VPS37B: variants seen among roughly 807,000 people sequenced by gnomAD.
VPS37B encodes VPS37B subunit of ESCRT-I.
VPS37B carries 11 observed loss-of-function variants against 21.2 expected under a neutral mutation model. The observed-to-expected ratio is 0.52, with a 90% CI of 0.33 to 0.86. VPS37B has a LOEUF of 0.86. VPS37B is among the 40% of genes least tolerant of loss of function. The probability of loss-of-function intolerance (pLI) is 0.03; values close to 1 mark genes in which losing one functional copy is unlikely to be tolerated. For missense variants in VPS37B, 389 were observed against 374.8 expected, an observed-to-expected ratio of 1.04 and a Z score of -0.31; for synonymous variants, 175 against 159.6, an observed-to-expected ratio of 1.10 and a Z score of -0.73.
At chr12:122,887,483 C>G (rs1320875787) in intron 1 of VPS37B, 1 of 152,398 alleles carries the variant, frequency 6.6e-6, no homozygotes, top group Non-Finnish European at 1.5e-5. Flanking sequence ...CACACTCTGT[C>G]CCGGCTTCTT....
chr12:122,872,554 C>G, intron 1 of VPS37B: 1 of 985,426 alleles, frequency 1.0e-6, no homozygotes, highest in Non-Finnish European at 1.2e-6. Context: ...CAGTTTCACT[C>G]GGGTTTCTGG....
Position 122,867,456 on chromosome 12 carries a change from A to C in VPS37B, c.518T>G (p.Leu173Arg). 1.2e-6 allele frequency: 2 copies of C among 1,613,742 alleles called. No homozygotes were observed. Among genetic ancestry groups the C allele is most frequent in the African/African-American group, 1.3e-5 (1 of 74,970 alleles). ...VLKGQRLPQA[L>R]APLPPRLPEL... is the part of the protein sequence containing the mutation. Reference sequence around the variant, plus strand: ...GGGCAGCCTGGGGGGCAGCGGGGCCAGGGCCTGTGGGAGTCTCTGCCCCTT... The same window carrying C: ...GGGCAGCCTGGGGGGCAGCGGGGCCCGGGCCTGTGGGAGTCTCTGCCCCTT... The change falls in exon 4 of 4, where the codon CTG (leucine) becomes CGG (arginine). Residue 173 changes from leucine (L) to arginine (R), a missense_variant. Coordinates refer to ENST00000267202, the MANE Select transcript of VPS37B (RefSeq NM_024667.3). This position sits in a 1 kb window ranked among gnomAD's most constrained non-coding sequence, Gnocchi z 5.5.
chr12:122,870,790 G>T, intron 2 of VPS37B, 100 bp downstream of exon 2: 1 of 1,346,770 alleles, frequency 7.4e-7, no homozygotes, highest in Non-Finnish European at 1.0e-6. Context: ...ATCTTAACCT[G>T]AAATTTTTCC....
At chr12:122,893,443 A>G in intron 1 of VPS37B, among the ~76,000 whole-genome samples, 1 of 147,210 alleles carries the variant, frequency 6.8e-6, no homozygotes, top group East Asian at 2.0e-4. Flanking sequence ...GTTCTTTAAC[A>G]CGCCATCACA....
chr12:122,868,209 A>C lies in VPS37B; in HGVS notation c.366+271T>G, dbSNP rs144788430. On this transcript the variant is annotated intron_variant, in intron 3 of 3. Transcript: ENST00000267202. This position sits in a 1 kb window ranked among gnomAD's most constrained non-coding sequence, Gnocchi z 5.5. ...GAACGACGGCACGTGGTAATCCGCC[A>C]CTGGCCCCAGGGGCCGGCGTTCACA... 1.3e-5 allele frequency among the ~76,000 whole-genome samples: 2 copies of C among 152,310 alleles called. No homozygotes were observed. Among genetic ancestry groups the C allele is most frequent in the African/African-American group, 4.8e-5 (2 of 41,572 alleles).
intron 1 of VPS37B, chr12:122,876,388 C>T (rs1219420567): frequency 6.6e-6 from 1 of 152,062 alleles, no homozygotes; most frequent in East Asian, 1.9e-4. Flanking sequence ...TCTTGGGATG[C>T]TTACATTAAT....
rs748858286 is a variant in VPS37B at position 122,867,153 on chromosome 12, C to T, written c.821G>A (p.Arg274Gln). 5.7e-5 allele frequency: 88 copies of T among 1,545,132 alleles called. No individual in the cohort carries two copies. The highest frequency in any genetic ancestry group is 7.5e-5 in the Non-Finnish European group (87 of 1,153,120). Residue 274 changes from arginine (R) to glutamine (Q), a missense_variant, in exon 4 of 4, where the codon CGG becomes CAG. Arg to Gln is a conservative substitution (Grantham distance 43, BLOSUM62 1). Coordinates refer to ENST00000267202, the MANE Select transcript of VPS37B (RefSeq NM_024667.3). The surrounding 1 kb of genome is among the most constrained non-coding windows in gnomAD (Gnocchi z 5.5). ...PPPLPQRPPP[R>Q]LPPHQPGFIL... ...GAAACCCGGCTGGTGTGGAGGGAGC[C>T]GGGGCGGGGGTCTCTGAGGGAGAGG...
At chr12:122,884,069 C>T (rs1484954458) in intron 1 of VPS37B, 1 of 152,230 alleles carries the variant, frequency 6.6e-6, no homozygotes, top group Non-Finnish European at 1.5e-5. Context: ...AGAATCTCAG[C>T]AGTAAAGGCC....
chr12:122,867,237 C>A lies in VPS37B; in HGVS notation c.737G>T (p.Arg246Leu), dbSNP rs770678646. ...PGLQCPPLPP[R>L]VGLPTQQGFS... ...TCCTTGCTGAGTGGGGAGGCCCACG[C>A]GGGGGGGCAGGGGCGGGCACTGTAA... Residue 246 changes from arginine (R) to leucine (L), a missense_variant, in exon 4 of 4, where the codon CGC becomes CTC. Arg to Leu is a moderately radical substitution (Grantham distance 102). Coordinates refer to ENST00000267202, the MANE Select transcript of VPS37B (RefSeq NM_024667.3). This position sits in a 1 kb window ranked among gnomAD's most constrained non-coding sequence, Gnocchi z 5.5. 4.6e-6 allele frequency: 7 copies of A among 1,511,184 alleles called. No homozygotes were observed. Among genetic ancestry groups the A allele is most frequent in the Middle Eastern group, 1.9e-4 (1 of 5,330 alleles). The allele number at this position is 1,511,184 out of a possible 1,614,324, so 93.6% of individuals were successfully genotyped here.
At chr12:122,888,543 A>G (rs574262095) in intron 1 of VPS37B, 2 of 456,042 alleles carry the variant, frequency 4.4e-6, no homozygotes, top group Non-Finnish European at 8.8e-6. Context: ...CCATAGCAAC[A>G]TTCTGCTACA....
chr12:122,895,754 T>C (rs546955835), intron 1 of VPS37B, among the ~76,000 whole-genome samples, 198 bp downstream of exon 1: 10 of 115,418 alleles, frequency 8.7e-5, no homozygotes, highest in African/African-American at 3.1e-4. Flanking sequence ...TCAAACCCCC[T>C]CTCAGGCCCC....
At chr12:122,888,448 C>T (rs1372529336) in intron 1 of VPS37B, 12 of 427,904 alleles carry the variant, frequency 2.8e-5, no homozygotes, top group Admixed American at 1.5e-4. Context: ...CTTGTCTCAG[C>T]ATGTTCTGAG....
chr12:122,891,496 G>A (rs1168804824), intron 1 of VPS37B, among the ~76,000 whole-genome samples: 2 of 152,224 alleles, frequency 1.3e-5, no homozygotes, highest in East Asian at 3.9e-4. Flanking sequence ...CTCACTTAAG[G>A]ATAAAATGAC....
rs374008813 is a variant in VPS37B at position 122,868,434 on chromosome 12, C to T, written c.366+46G>A. The T allele has an allele frequency of 1.7e-4, 263 of 1,578,584 alleles. 1 individual carries two copies. Among genetic ancestry groups the T allele is most frequent in the Admixed American group, 5.2e-5 (3 of 57,362 alleles). On this transcript the variant is annotated intron_variant, in intron 3 of 3. Coordinates refer to ENST00000267202, the MANE Select transcript of VPS37B (RefSeq NM_024667.3). This position sits in a 1 kb window ranked among gnomAD's most constrained non-coding sequence, Gnocchi z 5.5. Reference sequence around the variant, plus strand: ...TCCCTGGAGGCAGCGGGCCCACGGACTGCCCAAAGCGCCCCAAGGATTCCA... The same window carrying T: ...TCCCTGGAGGCAGCGGGCCCACGGATTGCCCAAAGCGCCCCAAGGATTCCA...
In VPS37B at chr12:122,867,266, T is replaced by C. The variant is rs971832320; in HGVS notation, c.708A>G (p.Pro236=). The part of the protein sequence containing the change: ...AMSSGQAVPY[P]GLQCPPLPPR... The stretch of plus-strand genomic sequence containing the variant: ...GGGGCAGGGGCGGGCACTGTAATCC[T>C]GGGTACGGCACGGCCTGTCCCGAAC... Residue 236 remains proline (P), a synonymous_variant, in exon 4 of 4, where the codon CCA becomes CCG. Transcript: ENST00000267202. The surrounding 1 kb of genome is among the most constrained non-coding windows in gnomAD (Gnocchi z 5.5). The C allele has an allele frequency of 5.6e-6, 8 of 1,417,626 alleles. No individual in the cohort carries two copies. In the African/African-American group the frequency reaches 8.3e-5, roughly 15 times the overall value. 87.8% of individuals were successfully genotyped at this position (1,417,626 alleles called of 1,614,324 possible).
chr12:122,891,341 T>C (rs866661313), intron 1 of VPS37B, among the ~76,000 whole-genome samples: 15 of 152,230 alleles, frequency 9.9e-5, no homozygotes, highest in South Asian at 8.3e-4. Flanking sequence ...CTCTGTACCA[T>C]TTCTGTTGTG....
intron 2 of VPS37B, chr12:122,870,064 TAACA>T (rs1442072140): frequency 6.9e-6 from 1 of 144,360 alleles, no homozygotes; most frequent in African/African-American, 2.6e-5. Flanking sequence ...TTTTTACCAT[TAACA>T]AACAGCATAA....
At chr12:122,884,276 G>A (rs1181057012) in intron 1 of VPS37B, 3 of 152,286 alleles carry the variant, frequency 2.0e-5, no homozygotes, top group African/African-American at 7.2e-5. Flanking sequence ...TTTCCTGTGG[G>A]GTGGGAACTG....
At chr12:122,888,300 C>T (rs957372295) in intron 1 of VPS37B, 1 of 328,848 alleles carries the variant, frequency 3.0e-6, no homozygotes, top group Non-Finnish European at 6.0e-6. Flanking sequence ...TAAGTCACCT[C>T]TCTACTTTCA....
Sources: gnomAD v4.1 joint callset for allele counts (sites outside exome capture counted in the v4.1 genomes callset) on GRCh38, gnomAD v4.1.1 for gene constraint, Gnocchi (gnomAD v3.1) non-coding constraint, MANE v1.5 for transcripts, NCBI Gene and HGNC (gene_info 2026-07-23, HGNC 2026-07-21) for gene names.